The following ANKRD30B variants were observed in gnomAD, a reference collection of about 807,000 sequenced individuals.
The protein encoded by ANKRD30B is ankyrin repeat domain 30B, also known as ankyrin repeat domain-containing protein 30B.
In ANKRD30B, 144 loss-of-function variants were observed where a neutral mutation model predicts 202.2. The ratio of observed to expected loss-of-function variants is 0.71; its 90% CI spans 0.62 to 0.82. The LOEUF is 0.82. Among genes scored for constraint, ANKRD30B ranks in the 40% least tolerant of loss-of-function variants. The pLI is 0.00. For missense variants in ANKRD30B, 1,487 were observed against 1,669.1 expected, an observed-to-expected ratio of 0.89 and a Z score of 1.90; for synonymous variants, 508 against 561.3, an observed-to-expected ratio of 0.91 and a Z score of 1.34.
At chr18:14,779,449 T>A (rs1967581986) in intron 10 of ANKRD30B, among the ~76,000 whole-genome samples, 1 of 152,232 alleles carries the variant, frequency 6.6e-6, no homozygotes, top group South Asian at 2.1e-4. Flanking sequence ...CCAAATATAC[T>A]GTCATGGCAT....
intron 28 of ANKRD30B, among the ~76,000 whole-genome samples, chr18:14,811,253 C>T (rs1969903339): frequency 6.6e-6 from 1 of 151,556 alleles, no homozygotes; most frequent in Admixed American, 6.6e-5. Context: ...GTTGTCTCGC[C>T]CAGGCTGGAG....
chr18:14,844,498 G>A (rs559676728), intron 39 of ANKRD30B, among the ~76,000 whole-genome samples: 4 of 152,314 alleles, frequency 2.6e-5, no homozygotes, highest in Admixed American at 1.3e-4. Context: ...GGGCATTTGG[G>A]TTGGTTCCAA....
the ANKRD30B span, among the ~76,000 whole-genome samples, chr18:14,937,108 C>A: frequency 9.1e-4 from 138 of 152,326 alleles, 7 homozygotes; most frequent in South Asian, 0.027. Flanking sequence ...AGCCTCATGT[C>A]ACTGTGCAAA....
At chr18:14,881,711 T>A in the ANKRD30B span, among the ~76,000 whole-genome samples, 1,000 of 152,220 alleles carry the variant, frequency 6.6e-3, 20 homozygotes, top group African/African-American at 0.023. Flanking sequence ...GGTAGAATTC[T>A]GCTGTGAATC....
At chr18:14,831,332 T>C in intron 33 of ANKRD30B, 51 bp from the exon 34 acceptor site, 6 of 1,274,590 alleles carry the variant, frequency 4.7e-6, no homozygotes, top group Non-Finnish European at 6.6e-6. Context: ...TGGCAGGTTT[T>C]CTTTTTAAAT....
chr18:14,922,758 GGGACACA>G, the ANKRD30B span, among the ~76,000 whole-genome samples: 5 of 152,122 alleles, frequency 3.3e-5, no homozygotes, highest in Non-Finnish European at 7.4e-5. Context: ...GTGGATAAGA[GGGACACA>G]GGACATAGAA....
chr18:14,890,588 C>T, the ANKRD30B span, among the ~76,000 whole-genome samples: 2 of 151,384 alleles, frequency 1.3e-5, no homozygotes, highest in Non-Finnish European at 3.0e-5. Flanking sequence ...AGTAGCAGAA[C>T]TGGAATTTGA....
At chr18:14,770,476 G>A (rs2143791646) in intron 8 of ANKRD30B, among the ~76,000 whole-genome samples, 1 of 152,240 alleles carries the variant, frequency 6.6e-6, no homozygotes, top group South Asian at 2.1e-4. Context: ...ATAATAGGAA[G>A]AGGGAATGGG....
At chr18:14,762,463 G>A (rs919400854) in intron 6 of ANKRD30B, among the ~76,000 whole-genome samples, 2 of 149,370 alleles carry the variant, frequency 1.3e-5, no homozygotes, top group South Asian at 2.1e-4. Context: ...GCAATTCTTT[G>A]TTGAGAAGCG....
At chr18:14,869,674 G>A in the ANKRD30B span, among the ~76,000 whole-genome samples, 1 of 150,522 alleles carries the variant, frequency 6.6e-6, no homozygotes, top group Non-Finnish European at 1.5e-5. Context: ...TACATTGCAG[G>A]TATAGGAACT....
intron 4 of ANKRD30B, 72 bp downstream of exon 4, chr18:14,755,077 A>T: frequency 3.7e-6 from 3 of 814,924 alleles, no homozygotes; most frequent in East Asian, 6.1e-5. Flanking sequence ...CAAGTCAGAA[A>T]TATTAAATTA....
the ANKRD30B span, among the ~76,000 whole-genome samples, chr18:14,925,458 G>A: frequency 6.6e-6 from 1 of 152,234 alleles, no homozygotes; most frequent in East Asian, 1.9e-4. Context: ...AGAGTGGCCT[G>A]CCAGAGAATG....
chr18:14,847,200 G>A (rs1005637030), intron 39 of ANKRD30B, among the ~76,000 whole-genome samples: 3 of 150,506 alleles, frequency 2.0e-5, no homozygotes, highest in African/African-American at 7.3e-5. Context: ...TCTTTGCTTT[G>A]CTGTCTTAGT....
intron 7 of ANKRD30B, among the ~76,000 whole-genome samples, chr18:14,765,919 A>T: frequency 6.6e-6 from 1 of 152,176 alleles, no homozygotes; most frequent in East Asian, 1.9e-4. Context: ...TAACTTAAAA[A>T]ATAACGATAG....
At chr18:14,820,628 T>G (rs1163834636) in intron 30 of ANKRD30B, among the ~76,000 whole-genome samples, 3 of 152,198 alleles carry the variant, frequency 2.0e-5, no homozygotes, top group African/African-American at 7.2e-5. Context: ...AATCATGTGT[T>G]TTTTGTCTTT....
At chr18:14,755,355 A>G (rs935173151) in intron 4 of ANKRD30B, among the ~76,000 whole-genome samples, 2 of 151,916 alleles carry the variant, frequency 1.3e-5, no homozygotes, top group African/African-American at 4.8e-5. Flanking sequence ...ACAGTTTTAT[A>G]GTATTTTTCT....
intron 6 of ANKRD30B, among the ~76,000 whole-genome samples, chr18:14,760,983 CA>C (rs1915168148): frequency 6.6e-6 from 1 of 151,980 alleles, no homozygotes; most frequent in African/African-American, 2.4e-5. Context: ...ACTTGTTATA[CA>C]ATGTATAATC....
chr18:14,799,032 C>G, intron 20 of ANKRD30B, 69 bp from the exon 21 acceptor site: 2 of 1,380,818 alleles, frequency 1.4e-6, no homozygotes, highest in Non-Finnish European at 2.1e-6. Context: ...CATATTCACA[C>G]TCTATGAACG....
At chr18:14,880,839 T>C in the ANKRD30B span, among the ~76,000 whole-genome samples, 11 of 152,212 alleles carry the variant, frequency 7.2e-5, no homozygotes, top group Non-Finnish European at 1.0e-4. Context: ...TGTTTGTTTT[T>C]TGCAGCTATT....
Sources: allele counts gnomAD v4.1 joint callset (sites outside exome capture counted in the v4.1 genomes callset), GRCh38; gene constraint gnomAD v4.1.1; transcripts MANE v1.5; gene names NCBI Gene and HGNC (gene_info 2026-07-23, HGNC 2026-07-21).